ME3: variants seen among roughly 807,000 people sequenced by gnomAD.
ME3 encodes the protein malic enzyme 3.
ME3 carries 48 observed loss-of-function variants against 68.9 expected under a neutral mutation model. That is an observed-to-expected ratio of 0.70 (90% CI 0.55 to 0.89). The LOEUF (loss-of-function observed/expected upper bound fraction) is 0.89. ME3 is among the 40% of genes least tolerant of loss of function. The pLI, the probability that ME3 is intolerant of heterozygous loss-of-function variation, is 0.00. For synonymous variants in ME3, 320 were observed against 318.8 expected, an observed-to-expected ratio of 1.00 and a Z score of -0.04; for missense variants, 675 against 797.4, an observed-to-expected ratio of 0.85 and a Z score of 1.85.
chr11:86,563,463 T>A (rs1957336542), intron 2 of ME3, among the ~76,000 whole-genome samples: 1 of 152,186 alleles, frequency 6.6e-6, no homozygotes, highest in African/African-American at 2.4e-5. Flanking sequence ...GACACTTATA[T>A]GTCTTCTTGT....
intron 5 of ME3, among the ~76,000 whole-genome samples, chr11:86,506,929 A>G (rs1035162654): frequency 1.3e-5 from 2 of 152,326 alleles, no homozygotes; most frequent in East Asian, 3.9e-4. Context: ...CCTGGGACCA[A>G]AACCTGCAGG....
chr11:86,556,570 C>A lies in ME3; in HGVS notation c.450G>T (p.Leu150=), dbSNP rs140830503. ...GGGCTCACCGGGGCCTGCGGAAAGTCAGGCCATAGTGCTGACAGGCCAGCC... is the reference window on the plus strand; with the variant it reads ...GGGCTCACCGGGGCCTGCGGAAAGTAAGGCCATAGTGCTGACAGGCCAGCC... Residue 150 remains leucine, a synonymous_variant, in exon 4 of 15, where the codon CTG becomes CTT. Coordinates refer to ENST00000543262, the Ensembl canonical transcript of ME3. 9 of 1,613,868 alleles carry A rather than the reference C, an allele frequency of 5.6e-6. No individual in the cohort carries two copies. The African/African-American group carries it at 1.1e-4, about 19-fold the overall frequency.
chr11:86,481,727 A>C (rs891443458), intron 7 of ME3, among the ~76,000 whole-genome samples: 57 of 152,312 alleles, frequency 3.7e-4, no homozygotes, highest in African/African-American at 1.2e-3. Flanking sequence ...AATAACCCAG[A>C]GCCTCCTTTA....
At chr11:86,475,104 A>G (rs584068) in intron 7 of ME3, among the ~76,000 whole-genome samples, 140,438 of 152,286 alleles carry the variant, frequency 0.92, 64,868 homozygotes, top group Non-Finnish European at 0.95. Context: ...GTTTGGATGT[A>G]TGTTGCCAGC....
intron 2 of ME3, among the ~76,000 whole-genome samples, chr11:86,659,592 T>C (rs1946143127): frequency 2.0e-5 from 3 of 152,238 alleles, no homozygotes. Context: ...GTTCACATTG[T>C]GTATGCAAGT....
At chr11:86,487,287 C>A in intron 7 of ME3, 50 bp downstream of exon 7, 1 of 1,460,858 alleles carries the variant, frequency 6.8e-7, no homozygotes. Flanking sequence ...ACTTTAGTCA[C>A]GGCATCTCTT....
chr11:86,551,855 C>G (rs1956703655), intron 4 of ME3, among the ~76,000 whole-genome samples: 1 of 152,236 alleles, frequency 6.6e-6, no homozygotes, highest in Non-Finnish European at 1.5e-5. Flanking sequence ...GAGCTTCCGA[C>G]TACATAAAAC....
intron 4 of ME3, among the ~76,000 whole-genome samples, chr11:86,534,065 A>AGG (rs1181231643): frequency 2.2e-5 from 2 of 92,674 alleles, no homozygotes; most frequent in Admixed American, 1.2e-4. Flanking sequence ...GGTAAAAATG[A>AGG]GGTGTGTGTG....
intron 7 of ME3, among the ~76,000 whole-genome samples, chr11:86,470,240 A>T (rs556784219): frequency 3.5e-4 from 54 of 152,166 alleles, no homozygotes; most frequent in Non-Finnish European, 7.1e-4. Flanking sequence ...ACCTGCCTCT[A>T]AATAGAATGA....
intron 2 of ME3, among the ~76,000 whole-genome samples, chr11:86,609,190 T>C (rs1476416238): frequency 6.6e-6 from 1 of 152,226 alleles, no homozygotes; most frequent in Non-Finnish European, 1.5e-5. Context: ...AAAATAGTGC[T>C]TTCTCATCAG....
At chr11:86,515,397 G>A (rs1242336426) in intron 4 of ME3, among the ~76,000 whole-genome samples, 3 of 152,148 alleles carry the variant, frequency 2.0e-5, no homozygotes, top group Non-Finnish European at 4.4e-5. Flanking sequence ...TGTGAAGGTG[G>A]AGGTGAGATT....
intron 2 of ME3, among the ~76,000 whole-genome samples, chr11:86,610,985 C>T (rs1026091747): frequency 6.6e-6 from 1 of 152,156 alleles, no homozygotes; most frequent in Admixed American, 6.5e-5. Flanking sequence ...CCAGATATCA[C>T]TTCAAGCCAA....
intron 2 of ME3, among the ~76,000 whole-genome samples, chr11:86,665,904 C>G (rs1331012870): frequency 1.3e-5 from 2 of 152,038 alleles, no homozygotes; most frequent in African/African-American, 4.8e-5. Context: ...CTGAAGAGGA[C>G]TGGAAATTGG....
At position 86,602,644 on chromosome 11, in the gene ME3, T is replaced by C. The variant is rs866059794; in HGVS notation, c.184-42821A>G. Among the ~76,000 whole-genome samples, 382 of 152,222 alleles carry C rather than the reference T, an allele frequency of 2.5e-3. 2 individuals are homozygous for C. Among genetic ancestry groups the C allele is most frequent in the Middle Eastern group, 0.01 (3 of 294 alleles). On this transcript the variant is annotated intron_variant, in intron 2 of 14. Transcript: ENST00000543262. ...GGAACCAAAAAAGAGCCCGCATCAG[T>C]AAGTCAATCCTAAGCCAAAAGAACA...
At chr11:86,442,463 G>A (rs1487407649) in intron 14 of ME3, among the ~76,000 whole-genome samples, 1 of 152,146 alleles carries the variant, frequency 6.6e-6, no homozygotes, top group Non-Finnish European at 1.5e-5. Context: ...GGGAGAGCTG[G>A]GACCCCAAAG....
chr11:86,526,978 G>A (rs971936364), intron 4 of ME3, among the ~76,000 whole-genome samples: 5 of 152,204 alleles, frequency 3.3e-5, no homozygotes, highest in African/African-American at 4.8e-5. Flanking sequence ...CCAAAGGAAC[G>A]CAGCTCCTCA....
intron 5 of ME3, among the ~76,000 whole-genome samples, chr11:86,503,639 A>G (rs1324222505): frequency 6.6e-6 from 1 of 152,246 alleles, no homozygotes; most frequent in Non-Finnish European, 1.5e-5. Flanking sequence ...CAGGAAATCT[A>G]ACCTCTGACA....
chr11:86,660,916 T>G (rs570197546), intron 2 of ME3, among the ~76,000 whole-genome samples: 39 of 151,796 alleles, frequency 2.6e-4, no homozygotes, highest in Non-Finnish European at 5.0e-4. Context: ...CCAGTCCCCA[T>G]GGAGTGATCT....
At chr11:86,545,357 T>C (rs1209614310) in intron 4 of ME3, among the ~76,000 whole-genome samples, 2 of 152,164 alleles carry the variant, frequency 1.3e-5, no homozygotes, top group African/African-American at 4.8e-5. Context: ...GGTATTCAAA[T>C]AGGATGAGAG....
Sources: allele counts gnomAD v4.1 joint callset (sites outside exome capture counted in the v4.1 genomes callset), GRCh38; gene constraint gnomAD v4.1.1; transcripts MANE v1.5; gene names NCBI Gene and HGNC (gene_info 2026-07-23, HGNC 2026-07-21).